Variants in ZNF407 observed in about 807,000 individuals in gnomAD.
ZNF407 encodes the protein zinc finger protein 407.
ZNF407 carries 17 observed loss-of-function variants against 131.2 expected under a neutral mutation model. The observed-to-expected ratio is 0.13, with a 90% CI of 0.09 to 0.19. The LOEUF (loss-of-function observed/expected upper bound fraction) is 0.19. Among genes scored for constraint, ZNF407 ranks in the 10% least tolerant of loss-of-function variants. The pLI is 1.00. For missense variants in ZNF407, 2,681 were observed against 2,830.6 expected (o/e 0.95, Z 1.20); for synonymous variants, 1,156 against 1,062.0 (o/e 1.09, Z -1.72).
intron 8 of ZNF407, among the ~76,000 whole-genome samples, chr18:74,980,413 C>T (rs903858766): frequency 9.2e-5 from 14 of 151,894 alleles, no homozygotes; most frequent in African/African-American, 2.7e-4. Context: ...CAAGGGATTC[C>T]CCTGCCTCAG....
chr18:74,901,037 A>G (rs1971517835), intron 7 of ZNF407, among the ~76,000 whole-genome samples: 2 of 152,284 alleles, frequency 1.3e-5, no homozygotes, highest in South Asian at 4.2e-4. Context: ...AGGGAAGGCA[A>G]ACATATCACC....
chr18:74,647,114 T>TC (rs1362581613), intron 3 of ZNF407, among the ~76,000 whole-genome samples: 5 of 150,814 alleles, frequency 3.3e-5, no homozygotes, highest in African/African-American at 1.2e-4. Flanking sequence ...TTCTTCTTCT[T>TC]TTTTTTTTAA....
chr18:74,998,103 A>C (rs1218924626), intron 8 of ZNF407, among the ~76,000 whole-genome samples: 1 of 152,148 alleles, frequency 6.6e-6, no homozygotes, highest in Admixed American at 6.5e-5. Flanking sequence ...CGGGCTCACC[A>C]GTCATCCAAG....
intron 1 of ZNF407, among the ~76,000 whole-genome samples, chr18:74,612,939 C>G (rs573840921): frequency 6.6e-6 from 1 of 152,284 alleles, no homozygotes; most frequent in Admixed American, 6.5e-5. Flanking sequence ...TGGAAGAAGA[C>G]TGGTAAATGT....
chr18:74,840,651 C>T (rs1970619470), intron 4 of ZNF407, among the ~76,000 whole-genome samples: 1 of 152,122 alleles, frequency 6.6e-6, no homozygotes, highest in South Asian at 2.1e-4. Flanking sequence ...GTTGCTGGCA[C>T]TACAGGCATG....
intron 4 of ZNF407, among the ~76,000 whole-genome samples, chr18:74,873,002 A>T (rs1339094032): frequency 1.4e-5 from 2 of 144,508 alleles, no homozygotes; most frequent in Non-Finnish European, 2.9e-5. Context: ...TAGGATACTT[A>T]CCTTAGTAAT....
At chr18:74,677,653 CCT>C (rs1419758826) in intron 3 of ZNF407, among the ~76,000 whole-genome samples, 13 of 152,044 alleles carry the variant, frequency 8.6e-5, no homozygotes, top group African/African-American at 2.4e-4. Context: ...AAATACTTAC[CCT>C]CTGTTTCTTT....
intron 3 of ZNF407, among the ~76,000 whole-genome samples, chr18:74,705,422 G>C (rs1361326978): frequency 2.6e-5 from 4 of 152,170 alleles, no homozygotes; most frequent in African/African-American, 7.2e-5. Flanking sequence ...TTGTGCAGAT[G>C]CTGTTTATTC....
chr18:74,859,762 T>C (rs79442160), intron 4 of ZNF407, among the ~76,000 whole-genome samples: 3 of 152,340 alleles, frequency 2.0e-5, no homozygotes, highest in Non-Finnish European at 2.9e-5. Flanking sequence ...TTTATGTACC[T>C]GGAGGATAGG....
intron 4 of ZNF407, among the ~76,000 whole-genome samples, chr18:74,834,942 C>A (rs1970534752): frequency 6.6e-6 from 1 of 152,120 alleles, no homozygotes; most frequent in African/African-American, 2.4e-5. Context: ...TTTTTGTTTT[C>A]CTTTTTGCTT....
intron 4 of ZNF407, among the ~76,000 whole-genome samples, chr18:74,821,881 C>T (rs545703912): frequency 2.0e-5 from 3 of 152,298 alleles, no homozygotes; most frequent in African/African-American, 7.2e-5. Context: ...ATTTACACTC[C>T]CACCAACAGT....
intron 4 of ZNF407, among the ~76,000 whole-genome samples, chr18:74,852,187 ACACACACACACGCACG>A (rs1263030689): frequency 2.4e-5 from 3 of 124,594 alleles, no homozygotes; most frequent in South Asian, 5.4e-4. Flanking sequence ...ACACACACAC[ACACACACACACGCACG>A]CACGCACGCG....
chr18:74,810,734 A>C (rs1198537781), intron 4 of ZNF407, among the ~76,000 whole-genome samples: 1 of 152,200 alleles, frequency 6.6e-6, no homozygotes, highest in Non-Finnish European at 1.5e-5. Context: ...AAACCTGAGA[A>C]AAATAAGCAA....
chr18:75,055,067 T>C (rs1409509856), intron 8 of ZNF407, among the ~76,000 whole-genome samples: 1 of 152,152 alleles, frequency 6.6e-6, no homozygotes. Flanking sequence ...CACCCGGAAA[T>C]GTGTGCAGAG....
chr18:74,630,667 T>C (rs1238090908), intron 1 of ZNF407, among the ~76,000 whole-genome samples: 1 of 152,042 alleles, frequency 6.6e-6, no homozygotes, highest in East Asian at 1.9e-4. Flanking sequence ...GGGTAGTAAA[T>C]TGAAGTATGC....
chr18:74,633,323 C>T lies in ZNF407; in HGVS notation c.2304C>T (p.Gly768=), dbSNP rs1315371323. 6.2e-7 allele frequency: 1 copy of T among 1,613,112 alleles called. No homozygotes were observed. Among genetic ancestry groups the T allele is most frequent in the Admixed American group, 1.7e-5 (1 of 59,852 alleles). Residue 768 remains glycine (G), a synonymous_variant, in exon 2 of 9, where the codon GGC becomes GGT. Transcript: ENST00000299687. ...AAAATGCTAAGAAAAATAATATTGG[C>T]TTAAGCTTTGAAGAATGTATTGAAA... ...HLENAKKNNI[G]LSFEECIERV...
intron 8 of ZNF407, among the ~76,000 whole-genome samples, chr18:74,972,990 C>T (rs1251250935): frequency 2.0e-5 from 3 of 152,182 alleles, no homozygotes; most frequent in Admixed American, 6.5e-5. Flanking sequence ...TTTATTTTTT[C>T]GTTTTGTTTG....
intron 8 of ZNF407, among the ~76,000 whole-genome samples, chr18:74,969,061 A>G (rs1034442703): frequency 3.3e-5 from 5 of 152,154 alleles, no homozygotes; most frequent in Non-Finnish European, 7.3e-5. Flanking sequence ...AGCCCAGCCA[A>G]TGATTTTTAA....
chr18:74,981,371 C>G (rs1198359244), intron 8 of ZNF407, among the ~76,000 whole-genome samples: 1 of 152,220 alleles, frequency 6.6e-6, no homozygotes. Context: ...GTGACAGGTT[C>G]TGTCAAATGC....
Sources: allele counts gnomAD v4.1 joint callset (sites outside exome capture counted in the v4.1 genomes callset), GRCh38; gene constraint gnomAD v4.1.1; transcripts MANE v1.5; gene names NCBI Gene and HGNC (gene_info 2026-07-23, HGNC 2026-07-21).